Variants in RSPO3 observed in about 807,000 individuals in gnomAD.
The protein encoded by RSPO3 is R-spondin 3.
A neutral mutation model predicts 36.5 loss-of-function variants in RSPO3; 17 were observed. That is an observed-to-expected ratio of 0.47 (90% confidence interval 0.32 to 0.70). The LOEUF is 0.70. RSPO3 is among the 30% of genes least tolerant of loss of function. RSPO3 has a pLI of 0.04. For missense variants in RSPO3, 294 were observed against 322.5 expected (o/e 0.91, Z 0.68); for synonymous variants, 108 against 107.0 (o/e 1.01, Z -0.06).
At chr6:127,159,032 TG>T (rs1043036444) in intron 4 of RSPO3, among the ~76,000 whole-genome samples, 1 of 152,106 alleles carries the variant, frequency 6.6e-6, no homozygotes, top group African/African-American at 2.4e-5. Flanking sequence ...AAGGAGAAAA[TG>T]CATTTCCAGT....
chr6:127,147,773 A>G (rs1009407478), intron 1 of RSPO3, among the ~76,000 whole-genome samples: 1 of 152,148 alleles, frequency 6.6e-6, no homozygotes, highest in Non-Finnish European at 1.5e-5. Context: ...TGTAACAGTG[A>G]TTCTTAAGGT....
At chr6:127,177,627 A>G (rs1775081757) in intron 4 of RSPO3, among the ~76,000 whole-genome samples, 1 of 151,912 alleles carries the variant, frequency 6.6e-6, no homozygotes, top group Admixed American at 6.6e-5. Context: ...ATAGGAATGA[A>G]TAAGAGCAGA....
intron 4 of RSPO3, among the ~76,000 whole-genome samples, chr6:127,159,076 C>T (rs1363385258): frequency 1.3e-5 from 2 of 152,034 alleles, no homozygotes; most frequent in Admixed American, 6.6e-5. Context: ...ACTTTTTTGA[C>T]ATACAGTGTA....
intron 4 of RSPO3, among the ~76,000 whole-genome samples, chr6:127,168,824 C>A (rs1327408040): frequency 6.6e-6 from 1 of 152,064 alleles, no homozygotes; most frequent in African/African-American, 2.4e-5. Flanking sequence ...TATGGCTAGC[C>A]AGTTTTCCCA....
At chr6:127,128,527 C>T (rs556421630) in intron 1 of RSPO3, among the ~76,000 whole-genome samples, 1 of 152,196 alleles carries the variant, frequency 6.6e-6, no homozygotes, top group South Asian at 2.1e-4. Context: ...TCAATAATGA[C>T]TATTGCAGCT....
At chr6:127,155,218 C>G (rs756109262) in intron 3 of RSPO3, 23 bp from the exon 4 acceptor site, 48 of 1,611,146 alleles carry the variant, frequency 3.0e-5, no homozygotes, top group Non-Finnish European at 2.4e-5. Context: ...CCAGCTGAGT[C>G]TGTTTCTTCT....
At chr6:127,177,344 A>G (rs148885776) in intron 4 of RSPO3, among the ~76,000 whole-genome samples, 3 of 151,852 alleles carry the variant, frequency 2.0e-5, no homozygotes, top group Non-Finnish European at 4.4e-5. Context: ...TTAGCTGTAC[A>G]GAAGGGGCAC....
At chr6:127,168,576 T>C (rs565644461) in intron 4 of RSPO3, among the ~76,000 whole-genome samples, 1 of 152,270 alleles carries the variant, frequency 6.6e-6, no homozygotes, top group Non-Finnish European at 1.5e-5. Flanking sequence ...GTAGTTTCTT[T>C]TGCTGTGCAG....
Position 127,197,589 on chromosome 6 carries a change from A to G in RSPO3, c.*1582A>G, listed in dbSNP as rs777888189. ...ATGCACGGCTGCTCTGTCCACTGTG[A>G]TTCCTAGCCCTCTCAAGATCACTGC... On this transcript the variant is annotated 3_prime_UTR_variant, in exon 5 of 5. Coordinates refer to ENST00000356698, the MANE Select transcript of RSPO3 (RefSeq NM_032784.5). 5.9e-4 allele frequency: 903 copies of G among 1,520,014 alleles called. No homozygotes were observed. Among genetic ancestry groups the G allele is most frequent in the Non-Finnish European group, 7.5e-4 (847 of 1,133,280 alleles). The allele number at this position is 1,520,014 out of a possible 1,614,324, so 94.2% of individuals were successfully genotyped here. A position where few individuals can be genotyped will look rare whatever the true frequency, so the allele number is the denominator to read the frequency against.
chr6:127,168,115 C>T (rs1774858954), intron 4 of RSPO3, among the ~76,000 whole-genome samples: 1 of 152,068 alleles, frequency 6.6e-6, no homozygotes, highest in Non-Finnish European at 1.5e-5. Context: ...TGGGTATATA[C>T]CCAGTAATGG....
intron 1 of RSPO3, among the ~76,000 whole-genome samples, chr6:127,121,586 G>C (rs1220294984): frequency 6.6e-6 from 1 of 152,178 alleles, no homozygotes; most frequent in Non-Finnish European, 1.5e-5. Flanking sequence ...GACCCCTTGC[G>C]TCCTCGGAGG....
chr6:127,197,529 A>G lies in RSPO3; in HGVS notation c.*1522A>G, dbSNP rs1255961643. 6.5e-7 allele frequency: 1 copy of G among 1,550,284 alleles called. No individual in the cohort carries two copies. Among genetic ancestry groups the G allele is most frequent in the Non-Finnish European group, 8.7e-7 (1 of 1,146,874 alleles). On this transcript the variant is annotated 3_prime_UTR_variant, in exon 5 of 5. Coordinates refer to ENST00000356698, the MANE Select transcript of RSPO3 (RefSeq NM_032784.5). ...CTCTGAGTGTGCAGCACAGAATCGCATGACCCACCTTAACCTTCCTGTTGT... is the reference window on the plus strand; with the variant it reads ...CTCTGAGTGTGCAGCACAGAATCGCGTGACCCACCTTAACCTTCCTGTTGT...
chr6:127,151,808 G>A (rs1035316225), intron 3 of RSPO3, among the ~76,000 whole-genome samples: 1 of 151,994 alleles, frequency 6.6e-6, no homozygotes, highest in Admixed American at 6.6e-5. Flanking sequence ...TAGGAATAGG[G>A]TAAAAAGTAC....
intron 4 of RSPO3, chr6:127,192,776 GTA>G (rs929844920): frequency 1.0e-4 from 68 of 655,106 alleles, no homozygotes; most frequent in African/African-American, 1.4e-4. Flanking sequence ...ACGTGTGTGT[GTA>G]TATATATATG....
chr6:127,165,763 T>A (rs1340670985), intron 4 of RSPO3, among the ~76,000 whole-genome samples: 1 of 152,030 alleles, frequency 6.6e-6, no homozygotes, highest in East Asian at 1.9e-4. Flanking sequence ...GTCAGCCTAG[T>A]GAACTAAGAA....
At chr6:127,156,764 A>G (rs552861809) in intron 4 of RSPO3, among the ~76,000 whole-genome samples, 5 of 152,310 alleles carry the variant, frequency 3.3e-5, no homozygotes, top group Admixed American at 2.6e-4. Context: ...TTAAACAGAT[A>G]ATCACAACAT....
chr6:127,176,736 G>C (rs371018026), intron 4 of RSPO3, among the ~76,000 whole-genome samples: 1 of 151,664 alleles, frequency 6.6e-6, no homozygotes, highest in African/African-American at 2.4e-5. Flanking sequence ...TTCTACTCCA[G>C]GGTTTTATAA....
intron 4 of RSPO3, among the ~76,000 whole-genome samples, chr6:127,180,921 A>C (rs1775172426): frequency 6.6e-6 from 1 of 151,918 alleles, no homozygotes; most frequent in South Asian, 2.1e-4. Flanking sequence ...TAAATGAGGC[A>C]AACAAAGCAC....
At chr6:127,119,383 G>A (rs1213488969) in intron 1 of RSPO3, 94 bp downstream of exon 1, 2 of 879,118 alleles carry the variant, frequency 2.3e-6, no homozygotes, top group Non-Finnish European at 3.8e-6. Flanking sequence ...AACTGCAGCG[G>A]TCCTCCCGCC....
Sources: gnomAD v4.1 joint callset for allele counts (sites outside exome capture counted in the v4.1 genomes callset) on GRCh38, gnomAD v4.1.1 for gene constraint, MANE v1.5 for transcripts, NCBI Gene and HGNC (gene_info 2026-07-23, HGNC 2026-07-21) for gene names.